CSMD1: variants seen among roughly 807,000 people sequenced by gnomAD.
CSMD1 encodes CUB and Sushi multiple domains 1.
CSMD1 carries 213 observed loss-of-function variants against 417.5 expected under a neutral mutation model. The observed-to-expected ratio is 0.51, with a 90% CI of 0.46 to 0.57. The LOEUF (loss-of-function observed/expected upper bound fraction) is 0.57, where lower values mean the gene tolerates loss of function less well. CSMD1 is among the 20% of genes least tolerant of loss of function. CSMD1 has a pLI of 0.00. For synonymous variants in CSMD1, 2,862 were observed against 1,736.8 expected (o/e 1.65, Z -16.11); for missense variants, 6,923 against 4,529.7 (o/e 1.53, Z -15.17).
At position 4,254,966 on chromosome 8, in the gene CSMD1, T is replaced by A. The variant is rs78320900; in HGVS notation, c.415+164987A>T. Among the ~76,000 whole-genome samples the A allele has an allele frequency of 2.0e-3, 303 of 152,290 alleles. 2 individuals carry two copies. Among genetic ancestry groups the A allele is most frequent in the African/African-American group, 6.9e-3 (288 of 41,550 alleles). On this transcript the variant is annotated intron_variant, in intron 3 of 69. Transcript: ENST00000635120. ...ATGACTGGAGTGGACTCCATAACCATCGACTTTAACAGAGCACTAAATCCA... is the reference window on the plus strand; with the variant it reads ...ATGACTGGAGTGGACTCCATAACCAACGACTTTAACAGAGCACTAAATCCA...
At chr8:4,292,830 G>C (rs753949817) in intron 3 of CSMD1, among the ~76,000 whole-genome samples, 1 of 152,108 alleles carries the variant, frequency 6.6e-6, no homozygotes, top group Non-Finnish European at 1.5e-5. Flanking sequence ...CTAAGAGTCA[G>C]GGTCCCTAAG....
intron 49 of CSMD1, among the ~76,000 whole-genome samples, chr8:3,056,817 G>C (rs559544522): frequency 2.0e-5 from 3 of 151,566 alleles, no homozygotes; most frequent in Non-Finnish European, 4.4e-5. Flanking sequence ...AAGTATTTAA[G>C]AATTTTTTAT....
At chr8:3,861,486 C>T (rs1044170554) in intron 5 of CSMD1, among the ~76,000 whole-genome samples, 1 of 152,128 alleles carries the variant, frequency 6.6e-6, no homozygotes, top group Non-Finnish European at 1.5e-5. Context: ...GATTTGGACT[C>T]GTGAGGGCTG....
intron 3 of CSMD1, among the ~76,000 whole-genome samples, chr8:4,371,029 G>A (rs941057205): frequency 6.6e-6 from 1 of 152,200 alleles, no homozygotes; most frequent in Non-Finnish European, 1.5e-5. Flanking sequence ...TCTTGGAGTG[G>A]TTCATTCTCT....
chr8:3,937,445 C>G (rs1810575495), intron 5 of CSMD1, among the ~76,000 whole-genome samples: 1 of 152,150 alleles, frequency 6.6e-6, no homozygotes, highest in Non-Finnish European at 1.5e-5. Flanking sequence ...ACCCTGATCA[C>G]TGATCATCCA....
intron 3 of CSMD1, among the ~76,000 whole-genome samples, chr8:4,399,003 A>G (rs1305707292): frequency 6.6e-6 from 1 of 152,244 alleles, no homozygotes; most frequent in Admixed American, 6.5e-5. Flanking sequence ...CTGAGCACCT[A>G]ATATGTACAC....
chr8:3,499,321 G>C (rs921544050), intron 10 of CSMD1, among the ~76,000 whole-genome samples: 1 of 152,064 alleles, frequency 6.6e-6, no homozygotes, highest in African/African-American at 2.4e-5. Context: ...GGAAGTGTTG[G>C]TTCAGCTCTA....
At chr8:4,115,749 G>C (rs1254358041) in intron 3 of CSMD1, among the ~76,000 whole-genome samples, 1 of 151,938 alleles carries the variant, frequency 6.6e-6, no homozygotes, top group East Asian at 1.9e-4. Context: ...TCAATATTCA[G>C]TGCTAAAAAG....
chr8:4,871,314 C>T (rs775656329), intron 1 of CSMD1, among the ~76,000 whole-genome samples: 4 of 152,176 alleles, frequency 2.6e-5, no homozygotes, highest in African/African-American at 7.2e-5. Flanking sequence ...CCTTCTTTCA[C>T]GGATTTAGAT....
At chr8:4,096,628 A>C (rs573443829) in intron 3 of CSMD1, among the ~76,000 whole-genome samples, 9 of 152,364 alleles carry the variant, frequency 5.9e-5, no homozygotes, top group African/African-American at 2.2e-4. Context: ...AATGAAAGAT[A>C]TCTTAAAAAT....
At chr8:4,314,366 A>G (rs1036843114) in intron 3 of CSMD1, among the ~76,000 whole-genome samples, 2 of 152,168 alleles carry the variant, frequency 1.3e-5, no homozygotes, top group Non-Finnish European at 2.9e-5. Flanking sequence ...CATTTCCTAC[A>G]TATTTCTGTC....
At chr8:4,908,526 C>G (rs1805451586) in intron 1 of CSMD1, among the ~76,000 whole-genome samples, 1 of 142,162 alleles carries the variant, frequency 7.0e-6, no homozygotes, top group African/African-American at 2.5e-5. Context: ...CTTGGATGTT[C>G]TCTTCTGTTT....
intron 7 of CSMD1, among the ~76,000 whole-genome samples, chr8:3,630,773 G>A (rs1299761312): frequency 2.6e-5 from 4 of 152,230 alleles, no homozygotes; most frequent in East Asian, 3.9e-4. Context: ...TCACCATGGT[G>A]GCTAAAGCAA....
intron 5 of CSMD1, among the ~76,000 whole-genome samples, chr8:3,926,132 CTT>C (rs1282530729): frequency 3.2e-4 from 42 of 132,292 alleles, no homozygotes; most frequent in Admixed American, 1.1e-3. Context: ...CACACACACA[CTT>C]GTGGTGTGTA....
intron 33 of CSMD1, among the ~76,000 whole-genome samples, chr8:3,199,389 G>T (rs1036198178): frequency 6.6e-6 from 1 of 151,660 alleles, no homozygotes; most frequent in African/African-American, 2.4e-5. Flanking sequence ...TTCAAAATAC[G>T]TAATTAGATA....
intron 3 of CSMD1, among the ~76,000 whole-genome samples, chr8:4,168,870 G>C (rs974233391): frequency 3.3e-5 from 5 of 152,056 alleles, no homozygotes; most frequent in African/African-American, 9.7e-5. Flanking sequence ...TTTAGACACG[G>C]TGACTGATGA....
At chr8:3,543,645 A>G (rs1798536937) in intron 10 of CSMD1, among the ~76,000 whole-genome samples, 1 of 152,162 alleles carries the variant, frequency 6.6e-6, no homozygotes, top group African/African-American at 2.4e-5. Flanking sequence ...ACTGAAAAAA[A>G]AAAAGAATTG....
intron 55 of CSMD1, among the ~76,000 whole-genome samples, chr8:2,976,861 G>C (rs985418722): frequency 6.6e-6 from 1 of 151,410 alleles, no homozygotes. Flanking sequence ...GGCTATTTGG[G>C]TAAAATGATA....
chr8:3,042,226 C>T (rs117041716), intron 50 of CSMD1, among the ~76,000 whole-genome samples: 1 of 152,222 alleles, frequency 6.6e-6, no homozygotes, highest in East Asian at 1.9e-4. Context: ...AGCAAACAGC[C>T]TTGGAAGAGA....
Sources: allele counts gnomAD v4.1 joint callset (sites outside exome capture counted in the v4.1 genomes callset), GRCh38; gene constraint gnomAD v4.1.1; transcripts MANE v1.5; gene names NCBI Gene and HGNC (gene_info 2026-07-23, HGNC 2026-07-21).